Variants in TMC2 observed in about 807,000 individuals in gnomAD.
The protein encoded by TMC2 is transmembrane channel-like protein 2.
TMC2 carries 102 observed loss-of-function variants against 105.9 expected under a neutral mutation model. That is an observed-to-expected ratio of 0.96 (90% CI 0.82 to 1.14). The LOEUF (loss-of-function observed/expected upper bound fraction) is 1.14. Among genes scored for constraint, TMC2 ranks in the 50% most tolerant of loss-of-function variants. TMC2 has a pLI of 0.00. For missense variants in TMC2, 1,093 were observed against 1,134.3 expected, an observed-to-expected ratio of 0.96 and a Z score of 0.52; for synonymous variants, 402 against 422.8, an observed-to-expected ratio of 0.95 and a Z score of 0.60.
chr20:2,574,647 T>C (rs1275931292), intron 5 of TMC2, among the ~76,000 whole-genome samples: 1 of 152,248 alleles, frequency 6.6e-6, no homozygotes, highest in Non-Finnish European at 1.5e-5. Flanking sequence ...CATTAAAATT[T>C]TCATATGTGT....
At position 2,616,917 on chromosome 20, in the gene TMC2, T is replaced by C. The variant is rs887544158; in HGVS notation, c.1941-155T>C. Among the ~76,000 whole-genome samples the C allele has an allele frequency of 6.6e-6, 1 of 152,196 alleles. No individual in the cohort carries two copies. The highest frequency in any genetic ancestry group is 6.5e-5 in the Admixed American group (1 of 15,286). ...TGCATGGTTCTGGCTTGATGATCGA[T>C]ATTCTGGTTAAATGGGAGGCCCCTT... On this transcript the variant is annotated intron_variant, in intron 15 of 19. Transcript: ENST00000358864. This position sits in a 1 kb window ranked among gnomAD's most constrained non-coding sequence, Gnocchi z 4.8.
chr20:2,597,188 G>C lies in TMC2; in HGVS notation c.1114G>C (p.Glu372Gln). The stretch of plus-strand genomic sequence containing the variant: ...TACCCAAGGAAGCACAGGCGAAGGG[G>C]AGAGTGACAACTTCACATTCAGCTT... ...SNTQGSTGEG[E>Q]SDNFTFSFKM... Residue 372 changes from glutamate to glutamine, a missense_variant, in exon 10 of 20, where the codon GAG becomes CAG. Transcript: ENST00000358864. 6.2e-7 allele frequency: 1 copy of C among 1,614,124 alleles called. No individual in the cohort carries two copies. Among genetic ancestry groups the C allele is most frequent in the Non-Finnish European group, 8.5e-7 (1 of 1,179,984 alleles).
At chr20:2,544,299 A>C (rs989111055) in intron 2 of TMC2, among the ~76,000 whole-genome samples, 2 of 152,100 alleles carry the variant, frequency 1.3e-5, no homozygotes, top group African/African-American at 4.8e-5. Flanking sequence ...AAAACTCTGG[A>C]GATCCCACAT....
intron 5 of TMC2, among the ~76,000 whole-genome samples, chr20:2,574,913 G>A (rs1296040455): frequency 1.3e-5 from 2 of 151,586 alleles, no homozygotes; most frequent in Non-Finnish European, 2.9e-5. Flanking sequence ...TTTAGTAGAT[G>A]CGATGTTTCA....
At chr20:2,624,149 G>A (rs1373038071) in intron 16 of TMC2, 122 bp from the exon 17 acceptor site, 3 of 1,104,290 alleles carry the variant, frequency 2.7e-6, no homozygotes, top group African/African-American at 3.2e-5. Context: ...GCAGAGCTCT[G>A]GTTCTTCCAG....
chr20:2,603,736 A>G (rs981594970), intron 11 of TMC2, among the ~76,000 whole-genome samples: 2 of 152,196 alleles, frequency 1.3e-5, no homozygotes, highest in Non-Finnish European at 2.9e-5. Context: ...AAAGCCTGTG[A>G]CCAGAAATAT....
chr20:2,615,339 A>T (rs769830499), intron 14 of TMC2, among the ~76,000 whole-genome samples: 7 of 152,178 alleles, frequency 4.6e-5, no homozygotes, highest in Non-Finnish European at 1.0e-4. Flanking sequence ...AACATCCAAG[A>T]CTTCACCCCG....
chr20:2,628,155 G>A (rs1290284731), intron 17 of TMC2, among the ~76,000 whole-genome samples: 5 of 148,022 alleles, frequency 3.4e-5, no homozygotes, highest in East Asian at 2.0e-4. Flanking sequence ...GCAAAAGAGC[G>A]AGACTCTGTC....
chr20:2,602,081 C>A, intron 10 of TMC2, 32 bp from the exon 11 acceptor site: 1 of 1,545,198 alleles, frequency 6.5e-7, no homozygotes, highest in Non-Finnish European at 8.8e-7. Flanking sequence ...TCTGGCCTGA[C>A]ATTTATGCAC....
chr20:2,635,808 C>T, intron 17 of TMC2, 118 bp from the exon 18 acceptor site: 1 of 777,424 alleles, frequency 1.3e-6, no homozygotes, highest in African/African-American at 1.7e-5. Context: ...GGTAGGACAC[C>T]CACCCAAAGC....
intron 1 of TMC2, 105 bp from the exon 2 acceptor site, chr20:2,537,164 T>C: frequency 2.0e-6 from 2 of 980,146 alleles, no homozygotes; most frequent in Non-Finnish European, 3.2e-6. Flanking sequence ...GGTCCCAGTT[T>C]GAGGCAGCCA....
intron 7 of TMC2, among the ~76,000 whole-genome samples, chr20:2,588,133 CAGA>C (rs2086243458): frequency 6.6e-6 from 1 of 151,900 alleles, no homozygotes; most frequent in South Asian, 2.1e-4. Flanking sequence ...TGGCTGGTTG[CAGA>C]AGAAGTCACA....
At chr20:2,589,262 T>C (rs1233870873) in intron 7 of TMC2, among the ~76,000 whole-genome samples, 2 of 70,886 alleles carry the variant, frequency 2.8e-5, no homozygotes, top group Non-Finnish European at 5.7e-5. Flanking sequence ...GATATCTTCC[T>C]ATTTGCCCTG....
intron 17 of TMC2, among the ~76,000 whole-genome samples, chr20:2,635,037 G>T (rs989695476): frequency 6.6e-6 from 1 of 152,186 alleles, no homozygotes; most frequent in Non-Finnish European, 1.5e-5. Context: ...GAAAGTCATG[G>T]AGAAAAACTA....
Position 2,592,840 on chromosome 20 carries a change from C to G in TMC2, c.933+432C>G, listed in dbSNP as rs11696526. Among the ~76,000 whole-genome samples, 12,773 of 152,230 alleles carry G rather than the reference C, an allele frequency of 0.084. 691 individuals are homozygous for G. The highest frequency in any genetic ancestry group is 0.29 in the East Asian group (1,477 of 5,176). On this transcript the variant is annotated intron_variant, in intron 8 of 19. Coordinates refer to ENST00000358864, the MANE Select transcript of TMC2 (RefSeq NM_080751.3). This position sits in a 1 kb window ranked among gnomAD's most constrained non-coding sequence, Gnocchi z 4.9. ...AACCCACATCTCTTTTTCCCAGCTC[C>G]TTTATTGGAATCACCATTCATCCAA... is the stretch of plus-strand genomic sequence containing the variant.
At chr20:2,561,452 T>C (rs1283766567) in intron 3 of TMC2, among the ~76,000 whole-genome samples, 1 of 152,264 alleles carries the variant, frequency 6.6e-6, no homozygotes, top group African/African-American at 2.4e-5. Flanking sequence ...ATATCTCTAA[T>C]AATTTTATAT....
intron 4 of TMC2, among the ~76,000 whole-genome samples, chr20:2,569,882 G>A (rs548871099): frequency 2.0e-5 from 3 of 152,294 alleles, no homozygotes; most frequent in Admixed American, 6.5e-5. Context: ...AGGGGCCCCA[G>A]ACACAGAGAG....
chr20:2,554,783 ATGATCTGAGAGAGTATATTGTAT>A (rs200345579), intron 2 of TMC2, among the ~76,000 whole-genome samples: 2,502 of 152,306 alleles, frequency 0.016, 35 homozygotes, highest in East Asian at 0.057. Context: ...TAATTCCATT[ATGATCTGAGAGAGTATATTGTAT>A]GATATCTATT....
At chr20:2,540,295 C>T (rs958819070) in intron 2 of TMC2, among the ~76,000 whole-genome samples, 2 of 151,940 alleles carry the variant, frequency 1.3e-5, no homozygotes, top group Non-Finnish European at 2.9e-5. Context: ...GGCCGCAAGA[C>T]TTTTCAATGC....
Sources: allele counts gnomAD v4.1 joint callset (sites outside exome capture counted in the v4.1 genomes callset), GRCh38; gene constraint gnomAD v4.1.1; non-coding constraint Gnocchi (gnomAD v3.1); transcripts MANE v1.5; gene names NCBI Gene and HGNC (gene_info 2026-07-23, HGNC 2026-07-21).